COG5: variants seen among roughly 807,000 people sequenced by gnomAD.
COG5 encodes the protein component of oligomeric golgi complex 5.
Under a neutral mutation model 110.4 loss-of-function variants are expected in COG5, and 86 were observed. The ratio of observed to expected loss-of-function variants is 0.78; its 90% confidence interval spans 0.65 to 0.93. COG5 has a LOEUF of 0.93. COG5 is among the 40% of genes least tolerant of loss of function. COG5 has a pLI of 0.00. For synonymous variants in COG5, 360 were observed against 334.6 expected (o/e 1.08, Z -0.83); for missense variants, 1,077 against 987.0 (o/e 1.09, Z -1.22).
chr7:107,458,970 A>G (rs776526947), intron 6 of COG5, among the ~76,000 whole-genome samples: 1 of 151,598 alleles, frequency 6.6e-6, no homozygotes, highest in Non-Finnish European at 1.5e-5. Flanking sequence ...TATACAGCCA[A>G]TAAGTCAGCA....
intron 6 of COG5, among the ~76,000 whole-genome samples, chr7:107,460,921 C>A (rs1198353869): frequency 6.6e-6 from 1 of 151,506 alleles, no homozygotes; most frequent in Non-Finnish European, 1.5e-5. Flanking sequence ...AAATATGAAT[C>A]TATTATCTAT....
At chr7:107,546,448 T>C (rs1232514548) in intron 5 of COG5, among the ~76,000 whole-genome samples, 4 of 148,332 alleles carry the variant, frequency 2.7e-5, no homozygotes, top group African/African-American at 2.4e-5. Flanking sequence ...TTTTTTTTTT[T>C]TTTTTGAGAC....
Position 107,367,303 on chromosome 7 carries a change from T to A in COG5, c.836-4883A>T, listed in dbSNP as rs940177245. Among the ~76,000 whole-genome samples the A allele has an allele frequency of 3.3e-5, 5 of 152,144 alleles. No homozygotes were observed. The East Asian group carries it at 9.7e-4, about 29-fold the overall frequency. On this transcript the variant is annotated intron_variant, in intron 8 of 21. Transcript: ENST00000297135. ...TTGAAAAATCAACTAGATTATGATA[T>A]CCAGCCAAGGGAGAGATGAATATAG...
chr7:107,508,451 G>C (rs978851897), intron 6 of COG5, among the ~76,000 whole-genome samples: 1 of 152,212 alleles, frequency 6.6e-6, no homozygotes, highest in Admixed American at 6.5e-5. Flanking sequence ...CCACCTCTGG[G>C]GGCAGGGCAC....
chr7:107,374,183 A>T (rs1014251041), intron 7 of COG5, among the ~76,000 whole-genome samples: 1 of 152,132 alleles, frequency 6.6e-6, no homozygotes, highest in African/African-American at 2.4e-5. Context: ...GCTATTTTAT[A>T]AAAAATTATT....
At chr7:107,326,380 T>C (rs1285132475) in intron 10 of COG5, among the ~76,000 whole-genome samples, 1 of 152,192 alleles carries the variant, frequency 6.6e-6, no homozygotes, top group Admixed American at 6.5e-5. Context: ...TGTTTCTAGA[T>C]GATATGATCT....
chr7:107,422,702 A>C (rs1246769311), intron 6 of COG5, among the ~76,000 whole-genome samples: 2 of 151,478 alleles, frequency 1.3e-5, no homozygotes, highest in East Asian at 3.8e-4. Context: ...AAAAAAAAAA[A>C]AAGCAAGCCA....
intron 17 of COG5, among the ~76,000 whole-genome samples, chr7:107,247,905 C>T (rs1802171733): frequency 6.6e-6 from 1 of 152,170 alleles, no homozygotes; most frequent in Non-Finnish European, 1.5e-5. Flanking sequence ...GGAGGTTGGG[C>T]TGCAGCTTGC....
intron 8 of COG5, among the ~76,000 whole-genome samples, chr7:107,364,779 A>G (rs1291528884): frequency 1.3e-5 from 2 of 152,184 alleles, no homozygotes; most frequent in Non-Finnish European, 2.9e-5. Flanking sequence ...AAACAGATGC[A>G]GTTATTTCTT....
At chr7:107,294,821 T>C (rs1156384362) in intron 12 of COG5, among the ~76,000 whole-genome samples, 4 of 142,652 alleles carry the variant, frequency 2.8e-5, no homozygotes, top group African/African-American at 1.0e-4. Flanking sequence ...GTTCATGCAG[T>C]TTTCCTGCCT....
At chr7:107,359,629 T>C (rs1208501847) in intron 10 of COG5, among the ~76,000 whole-genome samples, 2 of 152,264 alleles carry the variant, frequency 1.3e-5, no homozygotes, top group East Asian at 3.9e-4. Context: ...TGGCCAACCA[T>C]GGACAAATCA....
chr7:107,318,037 TC>T (rs1214535601), intron 11 of COG5, among the ~76,000 whole-genome samples: 1 of 152,190 alleles, frequency 6.6e-6, no homozygotes, highest in Non-Finnish European at 1.5e-5. Context: ...TTTCTTTCTT[TC>T]TTTTTTTTGA....
chr7:107,392,884 C>T (rs937550097), intron 7 of COG5, among the ~76,000 whole-genome samples: 8 of 152,098 alleles, frequency 5.3e-5, no homozygotes, highest in African/African-American at 1.9e-4. Flanking sequence ...TTAGCTCAAA[C>T]CTTCTAAAAG....
At chr7:107,407,098 AG>A (rs1346997866) in intron 7 of COG5, among the ~76,000 whole-genome samples, 1 of 152,150 alleles carries the variant, frequency 6.6e-6, no homozygotes, top group Non-Finnish European at 1.5e-5. Context: ...AAGAAACATT[AG>A]GGCCAGGCAC....
rs576941915 is a variant in COG5, at chr7:107,486,546, G to A, written c.538+40691C>T. The stretch of plus-strand genomic sequence containing the variant: ...AAAAATGCCAGTGGAAAATGCGTAC[G>A]TCCAATTATATTTTCCTATTAAAAA... On this transcript the variant is annotated intron_variant, in intron 6 of 21. Transcript: ENST00000297135. Among the ~76,000 whole-genome samples, 4 of 152,058 alleles carry A rather than the reference G, an allele frequency of 2.6e-5. No individual in the cohort carries two copies. In the South Asian group the frequency reaches 6.2e-4, roughly 24 times the overall value.
intron 17 of COG5, among the ~76,000 whole-genome samples, chr7:107,238,147 C>T (rs183795326): frequency 6.6e-6 from 1 of 152,282 alleles, no homozygotes. Flanking sequence ...ACCAACATCT[C>T]TCTATTCCCT....
At chr7:107,339,532 A>G (rs1450044286) in intron 10 of COG5, among the ~76,000 whole-genome samples, 2 of 152,056 alleles carry the variant, frequency 1.3e-5, no homozygotes, top group Non-Finnish European at 2.9e-5. Flanking sequence ...GACCTAATAG[A>G]TATCTACAGG....
At chr7:107,324,370 C>T (rs1809574111) in intron 11 of COG5, 70 bp downstream of exon 11, 2 of 1,002,522 alleles carry the variant, frequency 2.0e-6, no homozygotes, top group Non-Finnish European at 3.1e-6. Flanking sequence ...TACAGCAAAG[C>T]TTCTTGACAT....
intron 14 of COG5, among the ~76,000 whole-genome samples, chr7:107,261,714 A>T (rs1204561732): frequency 3.3e-5 from 5 of 152,070 alleles, no homozygotes; most frequent in Admixed American, 6.6e-5. Context: ...CAACTCATTT[A>T]TCTTCTTCCA....
Sources: gnomAD v4.1 joint callset for allele counts (sites outside exome capture counted in the v4.1 genomes callset) on GRCh38, gnomAD v4.1.1 for gene constraint, MANE v1.5 for transcripts, NCBI Gene and HGNC (gene_info 2026-07-23, HGNC 2026-07-21) for gene names.